BMP5: variants seen among roughly 807,000 people sequenced by gnomAD.
BMP5 encodes the protein bone morphogenetic protein 5.
Under a neutral mutation model 46.6 loss-of-function variants are expected in BMP5, and 23 were observed. The observed-to-expected ratio is 0.49, with a 90% confidence interval of 0.35 to 0.70. BMP5 has a LOEUF of 0.70. Among genes scored for constraint, BMP5 ranks in the 30% least tolerant of loss-of-function variants. The probability of loss-of-function intolerance (pLI) is 0.00; values close to 1 mark genes in which losing one functional copy is unlikely to be tolerated. For synonymous variants in BMP5, 204 were observed against 191.9 expected (o/e 1.06, Z -0.52); for missense variants, 545 against 565.6 (o/e 0.96, Z 0.37).
chr6:55,775,604 T>G (rs1775155885), intron 3 of BMP5, among the ~76,000 whole-genome samples: 1 of 151,958 alleles, frequency 6.6e-6, no homozygotes, highest in South Asian at 2.1e-4. Context: ...GACTCTGGCT[T>G]GCCCCATGAG....
chr6:55,755,834 C>A (rs1439040368), intron 6 of BMP5, 152 bp from the exon 7 acceptor site: 1 of 748,684 alleles, frequency 1.3e-6, no homozygotes, highest in East Asian at 2.7e-5. Context: ...GGGTGGGGGA[C>A]TGAAGGATGT....
chr6:55,802,841 T>G (rs1775882592), intron 2 of BMP5, among the ~76,000 whole-genome samples: 1 of 151,084 alleles, frequency 6.6e-6, no homozygotes, highest in Non-Finnish European at 1.5e-5. Context: ...ACCTCCCATC[T>G]AGTATAAGCA....
chr6:55,758,858 G>T, intron 6 of BMP5, 147 bp downstream of exon 6: 2 of 678,702 alleles, frequency 2.9e-6, no homozygotes, highest in Non-Finnish European at 5.3e-6. Flanking sequence ...TATACCCACA[G>T]TTGTTACTTC....
intron 1 of BMP5, among the ~76,000 whole-genome samples, chr6:55,831,344 G>C (rs1426569252): frequency 6.6e-6 from 1 of 152,032 alleles, no homozygotes; most frequent in Admixed American, 6.6e-5. Context: ...TTACCAGATA[G>C]CTGAGAAAAT....
intron 4 of BMP5, 39 bp from the exon 5 acceptor site, chr6:55,760,572 A>G (rs368480004): frequency 2.6e-5 from 40 of 1,537,798 alleles, no homozygotes; most frequent in Non-Finnish European, 2.0e-5. Flanking sequence ...ATGGTTGCTT[A>G]CAGATATACT....
rs202085587 is a variant in BMP5, at chr6:55,759,023, G to A, written c.1197C>T (p.His399=). ...AGCTTACCAGAGTCTGAACTATAGC[G>A]TGGTTGGTGGCATTCATATGGGCGT... ...PLNAHMNATN[H]AIVQTLVHLM... is the part of the protein sequence containing the mutation. Residue 399 remains histidine, a synonymous_variant, in exon 6 of 7, where the codon CAC becomes CAT. Coordinates refer to ENST00000370830, the MANE Select transcript of BMP5 (RefSeq NM_021073.4). 1.4e-5 allele frequency: 22 copies of A among 1,606,036 alleles called. No individual in the cohort carries two copies. Among genetic ancestry groups the A allele is most frequent in the South Asian group, 8.8e-5 (8 of 90,896 alleles).
At position 55,755,346 on chromosome 6, in the gene BMP5, T is replaced by G. The variant is rs1774559938; in HGVS notation, c.*187A>C. The G allele has an allele frequency of 5.3e-6, 3 of 562,884 alleles. No homozygotes were observed. The South Asian group carries it at 7.4e-5, about 14-fold the overall frequency. 34.9% of individuals were successfully genotyped at this position (562,884 alleles called of 1,614,324 possible). On this transcript the variant is annotated 3_prime_UTR_variant, in exon 7 of 7. Transcript: ENST00000370830. ...TGAAATAGATTTTATTGATAAAGCC[T>G]CCACAGAAGAGAATATATACGTTTA...
intron 4 of BMP5, among the ~76,000 whole-genome samples, chr6:55,767,349 C>T (rs1228972874): frequency 1.3e-5 from 2 of 151,982 alleles, no homozygotes; most frequent in East Asian, 3.9e-4. Flanking sequence ...ATGTTCAACA[C>T]TTAATGAGCA....
chr6:55,859,653 T>A (rs902424889), intron 1 of BMP5, among the ~76,000 whole-genome samples: 1 of 152,168 alleles, frequency 6.6e-6, no homozygotes, highest in Non-Finnish European at 1.5e-5. Flanking sequence ...CTCTAGATAA[T>A]GGAATTGTAA....
In BMP5 at chr6:55,779,029, CA is replaced by C. The variant is rs200281013; in HGVS notation, c.833-4787del. Among the ~76,000 whole-genome samples, 360 of 152,136 alleles carry C rather than the reference CA, an allele frequency of 2.4e-3. 3 individuals carry two copies. Among genetic ancestry groups the C allele is most frequent in the East Asian group, 0.018 (91 of 5,154 alleles). On this transcript the variant is annotated intron_variant, in intron 3 of 6. Coordinates refer to ENST00000370830, the MANE Select transcript of BMP5 (RefSeq NM_021073.4). ...GACTCACCGGTTTTGTATTTCAGAC[CA>C]CTCCTTTTGGAAAATATGATTTTCA...
chr6:55,833,048 C>T (rs1234693048), intron 1 of BMP5, among the ~76,000 whole-genome samples: 1 of 152,018 alleles, frequency 6.6e-6, no homozygotes, highest in Non-Finnish European at 1.5e-5. Flanking sequence ...CCCAGGAGTT[C>T]AAGGTTAAAG....
chr6:55,849,232 A>G (rs7767441), intron 1 of BMP5, among the ~76,000 whole-genome samples: 61,576 of 151,752 alleles, frequency 0.41, 13,107 homozygotes, highest in African/African-American at 0.51. Context: ...TAGAGTTCAT[A>G]TTCTACCGGA....
chr6:55,875,176 C>T lies in BMP5; in HGVS notation c.-311G>A, dbSNP rs865848389. The T allele has an allele frequency of 3.7e-6, 1 of 271,308 alleles. No individual in the cohort carries two copies. The allele number at this position is 271,308 out of a possible 1,614,324, so 16.8% of individuals were successfully genotyped here. On this transcript the variant is annotated 5_prime_UTR_variant, in exon 1 of 7. Transcript: ENST00000370830. ...GGCTAATATTATTTGATCAGATGACCTATGCATTCCTATATGAATTTATGA... is the reference window on the plus strand; with the variant it reads ...GGCTAATATTATTTGATCAGATGACTTATGCATTCCTATATGAATTTATGA...
At chr6:55,855,114 T>C (rs938575649) in intron 1 of BMP5, among the ~76,000 whole-genome samples, 1 of 152,166 alleles carries the variant, frequency 6.6e-6, no homozygotes, top group Non-Finnish European at 1.5e-5. Flanking sequence ...TTTACCTATT[T>C]ATGTTTCTCA....
intron 3 of BMP5, among the ~76,000 whole-genome samples, chr6:55,775,586 G>A (rs760852492): frequency 2.5e-4 from 38 of 151,804 alleles, no homozygotes; most frequent in Non-Finnish European, 1.0e-4. Context: ...TGAAATATGT[G>A]CATGATTGAC....
At chr6:55,794,204 A>T in intron 3 of BMP5, 75 bp downstream of exon 3, 2 of 1,490,072 alleles carry the variant, frequency 1.3e-6, no homozygotes, top group East Asian at 2.3e-5. Flanking sequence ...TATATTGGTT[A>T]TATCACATAA....
intron 1 of BMP5, among the ~76,000 whole-genome samples, chr6:55,843,324 A>G (rs950404825): frequency 1.2e-4 from 19 of 152,114 alleles, no homozygotes; most frequent in African/African-American, 4.6e-4. Context: ...AGCATTTTAT[A>G]AACTAGATAA....
Position 55,874,704 on chromosome 6 carries a change from T to A in BMP5, c.162A>T (p.Glu54Asp). ...GAGGCAAACCCAAGATAGAGAGAAT[T>A]TCCCTTTGTATTTCCCGTCTTTCGT... is the stretch of plus-strand genomic sequence containing the variant. Reference protein sequence around the residue: ...RNHERREIQREILSILGLPHR... With the variant: ...RNHERREIQRDILSILGLPHR... The change falls in exon 1 of 7, where the codon GAA becomes GAT. Residue 54 changes from glutamate (E) to aspartate (D), a missense_variant. Glu to Asp is a conservative substitution (Grantham distance 45). Transcript: ENST00000370830. 6 of 1,613,546 alleles carry A rather than the reference T, an allele frequency of 3.7e-6. No homozygotes were observed. The highest frequency in any genetic ancestry group is 5.1e-6 in the Non-Finnish European group (6 of 1,179,714).
rs1396152595 is a variant in BMP5 at position 55,759,043 on chromosome 6, G to C, written c.1177C>G (p.His393Asp). The C allele has an allele frequency of 1.3e-6, 2 of 1,596,122 alleles. No homozygotes were observed. The highest frequency in any genetic ancestry group is 1.7e-6 in the Non-Finnish European group (2 of 1,171,080). Residue 393 changes from histidine (H) to aspartate (D), a missense_variant, in exon 6 of 7, where the codon CAT becomes GAT. Coordinates refer to ENST00000370830, the MANE Select transcript of BMP5 (RefSeq NM_021073.4). Reference sequence around the variant, plus strand: ...ATAGCGTGGTTGGTGGCATTCATATGGGCGTTAAGTGGAAAAGAACATTCT... The same window carrying C: ...ATAGCGTGGTTGGTGGCATTCATATCGGCGTTAAGTGGAAAAGAACATTCT... ...DGECSFPLNAHMNATNHAIVQ... is the reference protein window; with the variant it reads ...DGECSFPLNADMNATNHAIVQ...
Sources: allele counts gnomAD v4.1 joint callset (sites outside exome capture counted in the v4.1 genomes callset), GRCh38; gene constraint gnomAD v4.1.1; transcripts MANE v1.5; gene names NCBI Gene and HGNC (gene_info 2026-07-23, HGNC 2026-07-21).